Variants in CBFA2T3 observed in about 807,000 individuals in gnomAD.
CBFA2T3 encodes transcriptional corepressor CBFA2T3.
Under a neutral mutation model 58.6 loss-of-function variants are expected in CBFA2T3, and 31 were observed. That is an observed-to-expected ratio of 0.53 (90% CI 0.40 to 0.71). CBFA2T3 has a LOEUF of 0.71. Ranked by LOEUF, CBFA2T3 falls within the 30% of genes least tolerant of loss-of-function variation. The probability of loss-of-function intolerance (pLI) is 0.00; values close to 1 mark genes in which losing one functional copy is unlikely to be tolerated. For synonymous variants in CBFA2T3, 531 were observed against 421.9 expected (o/e 1.26, Z -3.17); for missense variants, 1,076 against 963.1 (o/e 1.12, Z -1.55).
intron 1 of CBFA2T3, among the ~76,000 whole-genome samples, chr16:88,907,575 C>T (rs1032223666): frequency 1.3e-5 from 2 of 152,246 alleles, no homozygotes; most frequent in Admixed American, 6.5e-5. Flanking sequence ...GAAACAGAGG[C>T]ACAGAGAGGC....
At position 88,891,984 on chromosome 16, in the gene CBFA2T3, A is replaced by G. The variant is rs748294839; in HGVS notation, c.622-13T>C. On this transcript the variant is annotated splice_polypyrimidine_tract_variant and intron_variant, in intron 4 of 11. Coordinates refer to ENST00000268679, the MANE Select transcript of CBFA2T3 (RefSeq NM_005187.6). ...TCAATGTCGAGTTCTGCAGGGGAGAAAACCCACCTCACATCAGCACCGCTC... is the reference window on the plus strand; with the variant it reads ...TCAATGTCGAGTTCTGCAGGGGAGAGAACCCACCTCACATCAGCACCGCTC... 9 of 1,606,118 alleles carry G rather than the reference A, an allele frequency of 5.6e-6. No homozygotes were observed. In the Admixed American group the frequency reaches 1.3e-4, roughly 24 times the overall value.
At chr16:88,891,242 T>G (rs1969618430) in intron 5 of CBFA2T3, among the ~76,000 whole-genome samples, 1 of 152,082 alleles carries the variant, frequency 6.6e-6, no homozygotes, top group African/African-American at 2.4e-5. Flanking sequence ...CTGCTGTTCC[T>G]CAAGCACAGC....
At position 88,908,836 on chromosome 16, in the gene CBFA2T3, T is replaced by C. The variant is rs187782781; in HGVS notation, c.152-7180A>G. 8.9e-4 allele frequency among the ~76,000 whole-genome samples: 136 copies of C among 152,312 alleles called. 3 individuals are homozygous for C. The East Asian group carries it at 0.013, about 15-fold the overall frequency. ...TCTTGAGGCCTTTGCACAGGCAACA[T>C]AGCCACGGTGATGACGTCCTACTGC... On this transcript the variant is annotated intron_variant, in intron 1 of 11. Transcript: ENST00000268679.
intron 1 of CBFA2T3, among the ~76,000 whole-genome samples, chr16:88,904,335 G>A (rs1011049045): frequency 2.0e-5 from 3 of 151,956 alleles, no homozygotes; most frequent in African/African-American, 7.3e-5. Flanking sequence ...GACCCTCTGC[G>A]GCTGATGCTG....
At chr16:88,922,101 G>A (rs1444454311) in intron 1 of CBFA2T3, among the ~76,000 whole-genome samples, 2 of 152,214 alleles carry the variant, frequency 1.3e-5, no homozygotes, top group African/African-American at 2.4e-5. Flanking sequence ...AGGACATCCC[G>A]GGAGCTGGGT....
intron 1 of CBFA2T3, among the ~76,000 whole-genome samples, chr16:88,902,249 T>C (rs949189563): frequency 1.3e-5 from 2 of 152,084 alleles, no homozygotes; most frequent in Admixed American, 6.5e-5. Flanking sequence ...GCAGGCCATT[T>C]AGGGCGGCAA....
intron 1 of CBFA2T3, among the ~76,000 whole-genome samples, chr16:88,932,251 A>C (rs1420899473): frequency 1.0e-5 from 1 of 97,744 alleles, no homozygotes; most frequent in Non-Finnish European, 1.9e-5. Context: ...CTTCCCCCTC[A>C]CACGGCCCCC....
At chr16:88,927,086 C>T (rs990175583) in intron 1 of CBFA2T3, among the ~76,000 whole-genome samples, 4 of 152,228 alleles carry the variant, frequency 2.6e-5, no homozygotes, top group African/African-American at 7.2e-5. Flanking sequence ...GGTGGGGCAA[C>T]ATCATCGCTG....
intron 10 of CBFA2T3, among the ~76,000 whole-genome samples, chr16:88,880,294 C>A (rs1007842437): frequency 2.0e-5 from 3 of 152,190 alleles, no homozygotes; most frequent in Admixed American, 6.5e-5. Context: ...TCTGCCCCAG[C>A]CCCTCCCCCA....
At chr16:88,902,945 T>C (rs1481366072) in intron 1 of CBFA2T3, among the ~76,000 whole-genome samples, 1 of 152,104 alleles carries the variant, frequency 6.6e-6, no homozygotes, top group Non-Finnish European at 1.5e-5. Context: ...TTAACACCTG[T>C]GGGTCTCACC....
chr16:88,891,257 G>C (rs532047247), intron 5 of CBFA2T3, among the ~76,000 whole-genome samples: 1 of 152,194 alleles, frequency 6.6e-6, no homozygotes, highest in African/African-American at 2.4e-5. Flanking sequence ...CACAGCGGGC[G>C]CCCCATACCT....
rs969927191 is a variant in CBFA2T3, at chr16:88,912,636, G to A, written c.152-10980C>T. On this transcript the variant is annotated intron_variant, in intron 1 of 11. Transcript: ENST00000268679. ...CGTCTGTGTTGGTCCTCGTGTTTACGCCCGTCTCCCCCAGGGCAGGGCCCT... is the reference window on the plus strand; with the variant it reads ...CGTCTGTGTTGGTCCTCGTGTTTACACCCGTCTCCCCCAGGGCAGGGCCCT... Among the ~76,000 whole-genome samples, 11 of 152,124 alleles carry A rather than the reference G, an allele frequency of 7.2e-5. No individual in the cohort carries two copies. In the East Asian group the frequency reaches 1.5e-3, roughly 21 times the overall value.
At chr16:88,897,523 G>A (rs192904168) in intron 3 of CBFA2T3, among the ~76,000 whole-genome samples, 2 of 152,372 alleles carry the variant, frequency 1.3e-5, no homozygotes, top group East Asian at 1.9e-4. Flanking sequence ...GTCTGCTGGT[G>A]ACTCAAGTCT....
intron 8 of CBFA2T3, among the ~76,000 whole-genome samples, chr16:88,881,848 G>A (rs1311516400): frequency 6.6e-6 from 1 of 152,248 alleles, no homozygotes; most frequent in Non-Finnish European, 1.5e-5. Context: ...CAACAGTGCT[G>A]GGAGGGGTGC....
intron 5 of CBFA2T3, among the ~76,000 whole-genome samples, chr16:88,889,575 G>A (rs553902572): frequency 2.0e-4 from 31 of 152,020 alleles, no homozygotes; most frequent in Admixed American, 5.9e-4. Flanking sequence ...CCACTACCTG[G>A]GGGGAACCCA....
At chr16:88,909,940 GA>G (rs1241495201) in intron 1 of CBFA2T3, among the ~76,000 whole-genome samples, 2 of 152,222 alleles carry the variant, frequency 1.3e-5, no homozygotes. Context: ...TGGGGAACCA[GA>G]GGGACGAGCC....
In CBFA2T3 at chr16:88,959,359, T is replaced by C. The variant is rs1296608758; in HGVS notation, c.151+17298A>G. Among the ~76,000 whole-genome samples the C allele has an allele frequency of 2.6e-5, 4 of 151,960 alleles. No individual in the cohort carries two copies. In the South Asian group the frequency reaches 6.2e-4, roughly 24 times the overall value. On this transcript the variant is annotated intron_variant, in intron 1 of 11. Transcript: ENST00000268679. ...AGAGTTGAAGTAGTCCTGGCGATGA[T>C]GGTGGGCTCCCAGGAGAGGTGGAGG...
intron 1 of CBFA2T3, among the ~76,000 whole-genome samples, chr16:88,926,800 C>T (rs1007013211): frequency 2.0e-5 from 3 of 152,214 alleles, no homozygotes; most frequent in Non-Finnish European, 4.4e-5. Context: ...GCTGGTGCCT[C>T]GGTGCACCGT....
Position 88,877,098 on chromosome 16 carries a change from C to A in CBFA2T3, c.1840G>T (p.Ala614Ser). Residue 614 changes from alanine (A) to serine (S), a missense_variant, in exon 12 of 12, where the codon GCC becomes TCC. Transcript: ENST00000268679. ...ADPVPGPPEA[A>S]HSLGPSLPVG... ...GGCAGGGAGGGGCCCAGGCTGTGGG[C>A]GGCTTCGGGCGGTCCAGGCACCGGG... is the stretch of plus-strand genomic sequence containing the variant. 6.5e-7 allele frequency: 1 copy of A among 1,542,424 alleles called. No individual in the cohort carries two copies. The highest frequency in any genetic ancestry group is 2.0e-5 in the Admixed American group (1 of 50,922).
Sources: allele counts gnomAD v4.1 joint callset (sites outside exome capture counted in the v4.1 genomes callset), GRCh38; gene constraint gnomAD v4.1.1; transcripts MANE v1.5; gene names NCBI Gene and HGNC (gene_info 2026-07-23, HGNC 2026-07-21).